The following CRAMP1 variants were observed in gnomAD, a reference collection of about 807,000 sequenced individuals.
The protein encoded by CRAMP1 is protein cramped-like.
CRAMP1 carries 50 observed loss-of-function variants against 115.4 expected under a neutral mutation model. That is an observed-to-expected ratio of 0.43 (90% CI 0.35 to 0.55). The LOEUF (loss-of-function observed/expected upper bound fraction) is 0.55, where lower values mean the gene tolerates loss of function less well. CRAMP1 is among the 20% of genes least tolerant of loss of function. The pLI is 0.01. For synonymous variants in CRAMP1, 866 were observed against 745.4 expected, an observed-to-expected ratio of 1.16 and a Z score of -2.64; for missense variants, 1,679 against 1,721.7, an observed-to-expected ratio of 0.98 and a Z score of 0.44.
At chr16:1,641,222 C>T (rs753166732) in intron 6 of CRAMP1, 35 bp downstream of exon 6, 1 of 1,507,828 alleles carries the variant, frequency 6.6e-7, no homozygotes, top group African/African-American at 1.4e-5. Flanking sequence ...CATCACTTCT[C>T]TGGGTGTTTT....
chr16:1,668,815 C>T (rs1030228877), intron 18 of CRAMP1, among the ~76,000 whole-genome samples, 186 bp from the exon 19 acceptor site: 6 of 152,192 alleles, frequency 3.9e-5, no homozygotes, highest in African/African-American at 1.2e-4. Flanking sequence ...CACTCCGCTG[C>T]GCCCTGCCTC....
Position 1,656,899 on chromosome 16 carries a change from C to T in CRAMP1, c.2142C>T (p.Asp714=), listed in dbSNP as rs2036780892. 6 of 1,551,760 alleles carry T rather than the reference C, an allele frequency of 3.9e-6. No individual in the cohort carries two copies. Among genetic ancestry groups the T allele is most frequent in the Middle Eastern group, 1.7e-4 (1 of 5,968 alleles). The stretch of plus-strand genomic sequence containing the variant: ...ACTGGCTGGGGCCCGGCCGCCAGGA[C>T]CCCCGCCCCGGCTCCCTACCCACCG... The part of the protein sequence containing the change: ...EYDWLGPGRQ[D]PRPGSLPTAL... The change falls in exon 10 of 21, where the codon GAC becomes GAT. Residue 714 remains aspartate (D), a synonymous_variant. Transcript: ENST00000397412. This position sits in a 1 kb window ranked among gnomAD's most constrained non-coding sequence, Gnocchi z 5.6.
intron 6 of CRAMP1, among the ~76,000 whole-genome samples, chr16:1,651,102 G>A (rs552032914): frequency 1.4e-4 from 21 of 151,188 alleles, no homozygotes; most frequent in African/African-American, 4.4e-4. Flanking sequence ...ACAGAGAGGA[G>A]GACTCAGAGG....
At chr16:1,667,268 C>T (rs966283350) in intron 16 of CRAMP1, 67 bp from the exon 17 acceptor site, 26 of 1,303,572 alleles carry the variant, frequency 2.0e-5, no homozygotes, top group Admixed American at 5.1e-5. Flanking sequence ...GGAACTCTGT[C>T]GCGGGTGAGG....
intron 6 of CRAMP1, among the ~76,000 whole-genome samples, chr16:1,649,785 ATTTTTTTTTTTTT>A (rs35942594): frequency 1.5e-5 from 1 of 65,738 alleles, no homozygotes; most frequent in African/African-American, 7.2e-5. Context: ...ATGAGCCACT[ATTTTTTTTTTTTT>A]TTTTTTTTTT....
intron 3 of CRAMP1, among the ~76,000 whole-genome samples, chr16:1,628,778 G>T (rs1220798938): frequency 6.6e-6 from 1 of 152,240 alleles, no homozygotes; most frequent in Admixed American, 6.5e-5. Flanking sequence ...GTGCAGCAAG[G>T]CTGGCTGGGG....
At chr16:1,652,668 C>G (rs112005778) in intron 7 of CRAMP1, 87 bp downstream of exon 7, 1 of 1,222,966 alleles carries the variant, frequency 8.2e-7, no homozygotes. Flanking sequence ...CGGGTTGCTG[C>G]CACAGTTGCT....
intron 3 of CRAMP1, among the ~76,000 whole-genome samples, chr16:1,627,598 G>A (rs1317517386): frequency 6.6e-6 from 1 of 152,190 alleles, no homozygotes; most frequent in African/African-American, 2.4e-5. Flanking sequence ...GGTCGCTCCC[G>A]CCCTGGGCTG....
chr16:1,627,758 G>C (rs1033108711), intron 3 of CRAMP1, among the ~76,000 whole-genome samples: 10 of 152,200 alleles, frequency 6.6e-5, no homozygotes, highest in African/African-American at 2.4e-4. Context: ...TTCCCTTGGA[G>C]GGTTCTAGAG....
At chr16:1,650,152 T>C (rs980411027) in intron 6 of CRAMP1, among the ~76,000 whole-genome samples, 3 of 152,162 alleles carry the variant, frequency 2.0e-5, no homozygotes, top group African/African-American at 7.2e-5. Flanking sequence ...GTAAAATCTT[T>C]GTGGGGTATT....
At position 1,666,457 on chromosome 16, in the gene CRAMP1, C is replaced by T; in HGVS notation, c.2893C>T (p.Leu965Phe). The change falls in exon 16 of 21, where the codon CTT becomes TTT. Residue 965 changes from leucine (L) to phenylalanine (F), a missense_variant. Physicochemically the swap from Leu to Phe is conservative, Grantham distance 22. Around this residue, in one of 8 missense-constraint regions of CRAMP1, gnomAD observed 709 missense variants for 741.9 expected, o/e 0.96. Transcript: ENST00000397412. This position sits in a 1 kb window ranked among gnomAD's most constrained non-coding sequence, Gnocchi z 5.0. ...IDLAATSAGI[L>F]SGNPLPALDT... ...CTTAGCAGCTACAAGTGCCGGCATCCTTTCCGGGAACCCCCTCCCTGCCTT... is the reference window on the plus strand; with the variant it reads ...CTTAGCAGCTACAAGTGCCGGCATCTTTTCCGGGAACCCCCTCCCTGCCTT... 6.2e-7 allele frequency: 1 copy of T among 1,613,840 alleles called. No individual in the cohort carries two copies. The highest frequency in any genetic ancestry group is 8.5e-7 in the Non-Finnish European group (1 of 1,179,820).
intron 11 of CRAMP1, among the ~76,000 whole-genome samples, chr16:1,660,817 G>A (rs1170614225): frequency 1.3e-5 from 2 of 151,924 alleles, no homozygotes; most frequent in Non-Finnish European, 2.9e-5. Flanking sequence ...TACCAGCCTG[G>A]CCAACATGGC....
chr16:1,653,674 A>C (rs1308847444), intron 8 of CRAMP1, among the ~76,000 whole-genome samples: 1 of 146,660 alleles, frequency 6.8e-6, no homozygotes, highest in Non-Finnish European at 1.5e-5. Flanking sequence ...CTAAAAATAC[A>C]AAAAAAAAAG....
At chr16:1,640,655 C>T (rs536914614) in intron 5 of CRAMP1, among the ~76,000 whole-genome samples, 9 of 152,286 alleles carry the variant, frequency 5.9e-5, no homozygotes, top group South Asian at 2.1e-4. Flanking sequence ...CAGAGGGTGT[C>T]GGAGTCTTCA....
intron 6 of CRAMP1, among the ~76,000 whole-genome samples, chr16:1,643,166 C>G (rs2036646905): frequency 6.6e-6 from 1 of 151,934 alleles, no homozygotes; most frequent in Non-Finnish European, 1.5e-5. Flanking sequence ...AGTGTAGTCT[C>G]CCGAGTGATG....
intron 10 of CRAMP1, among the ~76,000 whole-genome samples, chr16:1,658,116 G>T (rs2036792040): frequency 6.6e-6 from 1 of 152,184 alleles, no homozygotes; most frequent in African/African-American, 2.4e-5. Context: ...GCCGGTGCAG[G>T]GCTTGCCCCG....
At chr16:1,626,288 G>T (rs1198092451) in intron 3 of CRAMP1, 122 bp downstream of exon 3, 1 of 924,346 alleles carries the variant, frequency 1.1e-6, no homozygotes, top group East Asian at 2.9e-5. Flanking sequence ...GGCGACCCCC[G>T]CAGTGGCGGA....
At position 1,669,018 on chromosome 16, in the gene CRAMP1, T is replaced by A; in HGVS notation, c.3352T>A (p.Ser1118Thr). 6.2e-7 allele frequency: 1 copy of A among 1,612,882 alleles called. No individual in the cohort carries two copies. The highest frequency in any genetic ancestry group is 8.5e-7 in the Non-Finnish European group (1 of 1,179,428). Residue 1118 changes from serine to threonine, a missense_variant, in exon 19 of 21, where the codon TCT becomes ACT. Ser to Thr is a moderately conservative substitution (Grantham distance 58, BLOSUM62 1). This residue lies in a region of CRAMP1 where 709 missense variants were observed against 741.9 expected (regional missense o/e 0.96). Transcript: ENST00000397412. The surrounding 1 kb of genome is among the most constrained non-coding windows in gnomAD (Gnocchi z 4.6). The stretch of plus-strand genomic sequence containing the variant: ...GTTGGCAGGTGAAGGAGTCCCTCTT[T>A]CTCCAGCAAAACTGAATGGCAGTGA... ...SGQYGEGVPL[S>T]PAKLNGSDSS...
chr16:1,662,634 C>G lies in CRAMP1; in HGVS notation c.2558C>G (p.Ala853Gly). The G allele has an allele frequency of 6.2e-7, 1 of 1,614,054 alleles. No homozygotes were observed. Among genetic ancestry groups the G allele is most frequent in the Non-Finnish European group, 8.5e-7 (1 of 1,179,902 alleles). ...AAGCTCTTCTCTCCCAGTAAAGAAG[C>G]AGAGCTGACTTTCCGCCAGCATCTG... is the stretch of plus-strand genomic sequence containing the variant. ...HGKLFSPSKEAELTFRQHLNS... is the reference protein window; with the variant it reads ...HGKLFSPSKEGELTFRQHLNS... The change falls in exon 12 of 21, where the codon GCA becomes GGA. Residue 853 changes from alanine to glycine, a missense_variant. Transcript: ENST00000397412.
Sources: allele counts gnomAD v4.1 joint callset (sites outside exome capture counted in the v4.1 genomes callset), GRCh38; gene constraint gnomAD v4.1.1; regional missense constraint gnomAD v4.1.1; non-coding constraint Gnocchi (gnomAD v3.1); transcripts MANE v1.5; gene names NCBI Gene and HGNC (gene_info 2026-07-23, HGNC 2026-07-21).